FOXK1: variants seen among roughly 807,000 people sequenced by gnomAD.
FOXK1 encodes the protein forkhead box K1.
A neutral mutation model predicts 51.9 loss-of-function variants in FOXK1; 19 were observed. That is an observed-to-expected ratio of 0.37 (90% confidence interval 0.26 to 0.54). The LOEUF (loss-of-function observed/expected upper bound fraction) is 0.54, where lower values mean the gene tolerates loss of function less well. Ranked by LOEUF, FOXK1 falls within the 20% of genes least tolerant of loss-of-function variation. The probability of loss-of-function intolerance (pLI) is 0.87; values close to 1 mark genes in which losing one functional copy is unlikely to be tolerated. For missense variants in FOXK1, 870 were observed against 1,032.7 expected, an observed-to-expected ratio of 0.84 and a Z score of 2.16; for synonymous variants, 537 against 482.6, an observed-to-expected ratio of 1.11 and a Z score of -1.48.
Position 4,740,370 on chromosome 7 carries a change from C to T in FOXK1, c.561-468C>T, listed in dbSNP as rs1278154740. ...GTGTGAACCCAGGAGGCGGAGCTTG[C>T]AGTGAGCTGAGATCGTGTCCCTGCA... On this transcript the variant is annotated intron_variant, in intron 1 of 8. Transcript: ENST00000328914. Among the ~76,000 whole-genome samples, 3 of 151,270 alleles carry T rather than the reference C, an allele frequency of 2.0e-5. No homozygotes were observed. The Admixed American group carries it at 2.0e-4, about 10-fold the overall frequency.
At chr7:4,692,953 G>A (rs79919244) in intron 1 of FOXK1, among the ~76,000 whole-genome samples, 2,845 of 152,010 alleles carry the variant, frequency 0.019, 84 homozygotes, top group African/African-American at 0.063. Context: ...TTCCCTGACT[G>A]GTCTCAAACT....
At chr7:4,708,835 C>T (rs144898897) in intron 1 of FOXK1, among the ~76,000 whole-genome samples, 1,993 of 152,180 alleles carry the variant, frequency 0.013, 44 homozygotes, top group African/African-American at 0.046. Context: ...GAGGCTGAGG[C>T]GGGCGGATCA....
Position 4,759,151 on chromosome 7 carries a change from C to T in FOXK1, c.1345C>T (p.His449Tyr), listed in dbSNP as rs1368063261. 1.2e-6 allele frequency: 2 copies of T among 1,612,666 alleles called. No individual in the cohort carries two copies. The highest frequency in any genetic ancestry group is 1.6e-4 in the Middle Eastern group (1 of 6,084). ...CLSREGSPIP[H>Y]DPEFGSKLAS... is the part of the protein sequence containing the mutation. Reference sequence around the variant, plus strand: ...GTCTCGGGAGGGCTCCCCCATTCCACACGACCCTGAGTTTGGGTCCAAGTT... The same window carrying T: ...GTCTCGGGAGGGCTCCCCCATTCCATACGACCCTGAGTTTGGGTCCAAGTT... The change falls in exon 6 of 9, where the codon CAC becomes TAC. Residue 449 changes from histidine (H) to tyrosine (Y), a missense_variant. Coordinates refer to ENST00000328914, the MANE Select transcript of FOXK1 (RefSeq NM_001037165.2).
At chr7:4,685,748 C>T (rs2115026386) in intron 1 of FOXK1, among the ~76,000 whole-genome samples, 1 of 151,776 alleles carries the variant, frequency 6.6e-6, no homozygotes, top group Admixed American at 6.6e-5. Context: ...TTCAAGACCA[C>T]CCTGGCCAAT....
rs1780720419 is a variant in FOXK1, at chr7:4,747,503, G to A, written c.746+6480G>A. On this transcript the variant is annotated intron_variant, in intron 2 of 8. Transcript: ENST00000328914. The surrounding 1 kb of genome is among the most constrained non-coding windows in gnomAD (Gnocchi z 9.2). Reference sequence around the variant, plus strand: ...TTCTAAATTATTATTTTTAATGCTGGTTCCAATTTGGGTTTGGGGGGTTGA... The same window carrying A: ...TTCTAAATTATTATTTTTAATGCTGATTCCAATTTGGGTTTGGGGGGTTGA... Among the ~76,000 whole-genome samples, 3 of 152,136 alleles carry A rather than the reference G, an allele frequency of 2.0e-5. No homozygotes were observed. The South Asian group carries it at 6.2e-4, about 32-fold the overall frequency.
intron 1 of FOXK1, among the ~76,000 whole-genome samples, chr7:4,700,294 C>A (rs1780005128): frequency 6.6e-6 from 1 of 152,124 alleles, no homozygotes; most frequent in Admixed American, 6.6e-5. Flanking sequence ...TATTTGTGGG[C>A]AAAATGAATA....
rs1780327503 is a variant in FOXK1, at chr7:4,722,520, C to T, written c.561-18318C>T. Reference sequence around the variant, plus strand: ...ACCAGTGGCCTCAGCCCAGTGCCAGCGTGCTGGGACGGGTACACTCGTGCC... The same window carrying T: ...ACCAGTGGCCTCAGCCCAGTGCCAGTGTGCTGGGACGGGTACACTCGTGCC... On this transcript the variant is annotated intron_variant, in intron 1 of 8. Coordinates refer to ENST00000328914, the MANE Select transcript of FOXK1 (RefSeq NM_001037165.2). This position sits in a 1 kb window ranked among gnomAD's most constrained non-coding sequence, Gnocchi z 5.1. 6.6e-6 allele frequency among the ~76,000 whole-genome samples: 1 copy of T among 152,208 alleles called. No homozygotes were observed. Among genetic ancestry groups the T allele is most frequent in the Non-Finnish European group, 1.5e-5 (1 of 68,042 alleles).
At chr7:4,695,630 C>T (rs1425094590) in intron 1 of FOXK1, among the ~76,000 whole-genome samples, 1 of 151,942 alleles carries the variant, frequency 6.6e-6, no homozygotes, top group Non-Finnish European at 1.5e-5. Flanking sequence ...GGCGAAGCCC[C>T]GTCTCTACTA....
Position 4,748,861 on chromosome 7 carries a change from T to TA in FOXK1, c.747-5597dup, listed in dbSNP as rs1421822312. Among the ~76,000 whole-genome samples the TA allele has an allele frequency of 3.2e-4, 49 of 152,218 alleles. 1 individual carries two copies. Among genetic ancestry groups the TA allele is most frequent in the African/African-American group, 1.2e-3 (49 of 41,546 alleles). On this transcript the variant is annotated intron_variant, in intron 2 of 8. Transcript: ENST00000328914. The surrounding 1 kb of genome is among the most constrained non-coding windows in gnomAD (Gnocchi z 4.9). ...GCCCGGCTAATTTTTGTATTTTTTG[T>TA]AGAGGTGGGGTCTCCCCATGTTGCC...
Position 4,756,263 on chromosome 7 carries a change from C to A in FOXK1, c.1051-731C>A, listed in dbSNP as rs557404733. 2.9e-4 allele frequency among the ~76,000 whole-genome samples: 44 copies of A among 152,136 alleles called. 1 individual carries two copies. In the South Asian group the frequency reaches 8.1e-3, roughly 28 times the overall value. On this transcript the variant is annotated intron_variant, in intron 4 of 8. Coordinates refer to ENST00000328914, the MANE Select transcript of FOXK1 (RefSeq NM_001037165.2). The surrounding 1 kb of genome is among the most constrained non-coding windows in gnomAD (Gnocchi z 4.1). ...CCAAGTAGCTGGGGCTACAGGTGCC[C>A]ACCACCACACCTGGCTATTTTTTGT...
Position 4,711,378 on chromosome 7 carries a change from C to T in FOXK1, c.560+28510C>T, listed in dbSNP as rs935322709. Among the ~76,000 whole-genome samples, 17 of 152,036 alleles carry T rather than the reference C, an allele frequency of 1.1e-4. No homozygotes were observed. Among genetic ancestry groups the T allele is most frequent in the Admixed American group, 7.2e-4 (11 of 15,264 alleles). On this transcript the variant is annotated intron_variant, in intron 1 of 8. Transcript: ENST00000328914. The surrounding 1 kb of genome is among the most constrained non-coding windows in gnomAD (Gnocchi z 6.3). ...CTTCCTGTGAGAGGGTGTGGCAGTC[C>T]GGGGGTGGGTCCCAGCCAGCCGCCA...
At chr7:4,685,436 G>C (rs762415227) in intron 1 of FOXK1, among the ~76,000 whole-genome samples, 3 of 151,352 alleles carry the variant, frequency 2.0e-5, no homozygotes, top group African/African-American at 7.3e-5. Context: ...AGATGGTCTC[G>C]ATCTCCTGAC....
Position 4,758,941 on chromosome 7 carries a change from G to T in FOXK1, c.1245-110G>T. The T allele has an allele frequency of 8.4e-7, 1 of 1,197,404 alleles. No individual in the cohort carries two copies. The highest frequency in any genetic ancestry group is 2.5e-5 in the Admixed American group (1 of 40,176). The allele number at this position is 1,197,404 out of a possible 1,614,324, so 74.2% of individuals were successfully genotyped here. A position where few individuals can be genotyped will look rare whatever the true frequency, so the allele number is the denominator to read the frequency against. On this transcript the variant is annotated intron_variant, in intron 5 of 8. Transcript: ENST00000328914. This position sits in a 1 kb window ranked among gnomAD's most constrained non-coding sequence, Gnocchi z 4.4. ...GTCTGAATGCGGAGGACAGAGACGA[G>T]CTCCAGGGAGCGTGGGCGGGTGACG...
rs1161419125 is a variant in FOXK1 at position 4,759,225 on chromosome 7, G to A, written c.1411+8G>A. 1.2e-6 allele frequency: 2 copies of A among 1,611,812 alleles called. No individual in the cohort carries two copies. Among genetic ancestry groups the A allele is most frequent in the Non-Finnish European group, 1.7e-6 (2 of 1,179,814 alleles). ...ATTCCCAAAGCGCACCCGGTAAGGA[G>A]CGGGCGGCCCTCTTGCGGGGCGGGG... On this transcript the variant is annotated splice_region_variant and intron_variant, in intron 6 of 8. Coordinates refer to ENST00000328914, the MANE Select transcript of FOXK1 (RefSeq NM_001037165.2).
chr7:4,686,964 G>T (rs1779827056), intron 1 of FOXK1, among the ~76,000 whole-genome samples: 1 of 145,254 alleles, frequency 6.9e-6, no homozygotes, highest in Non-Finnish European at 1.5e-5. Flanking sequence ...ACAGAGTCTT[G>T]CTCTGTCACC....
In FOXK1 at chr7:4,707,592, T is replaced by C. The variant is rs1265944920; in HGVS notation, c.560+24724T>C. 6.6e-6 allele frequency among the ~76,000 whole-genome samples: 1 copy of C among 152,154 alleles called. No homozygotes were observed. Among genetic ancestry groups the C allele is most frequent in the Non-Finnish European group, 1.5e-5 (1 of 68,026 alleles). On this transcript the variant is annotated intron_variant, in intron 1 of 8. Transcript: ENST00000328914. The surrounding 1 kb of genome is among the most constrained non-coding windows in gnomAD (Gnocchi z 4.1). ...CTCTTACGCCTTCCTTTCCGGGTTT[T>C]CCTGGAGAAGGCTGCCTCACTGGGT...
intron 1 of FOXK1, among the ~76,000 whole-genome samples, chr7:4,719,969 G>A (rs1298014419): frequency 6.6e-6 from 1 of 152,062 alleles, no homozygotes. Flanking sequence ...CTCATTGGAC[G>A]CCTGCGCCCA....
In FOXK1 at chr7:4,703,254, A is replaced by G. The variant is rs1021452293; in HGVS notation, c.560+20386A>G. Among the ~76,000 whole-genome samples the G allele has an allele frequency of 6.6e-6, 1 of 151,426 alleles. No individual in the cohort carries two copies. The highest frequency in any genetic ancestry group is 1.5e-5 in the Non-Finnish European group (1 of 67,908). On this transcript the variant is annotated intron_variant, in intron 1 of 8. Coordinates refer to ENST00000328914, the MANE Select transcript of FOXK1 (RefSeq NM_001037165.2). The surrounding 1 kb of genome is among the most constrained non-coding windows in gnomAD (Gnocchi z 5.6). ...TGGCAATGAGGAGTCAGGGAGACAG[A>G]CCTCCAGCCATTGGGCCTCTCCGCT...
chr7:4,684,859 A>T (rs1779798954), intron 1 of FOXK1, among the ~76,000 whole-genome samples: 1 of 151,994 alleles, frequency 6.6e-6, no homozygotes, highest in African/African-American at 2.4e-5. Context: ...AAGGGGAAAA[A>T]ATTTCAACCT....
Sources: gnomAD v4.1 joint callset for allele counts (sites outside exome capture counted in the v4.1 genomes callset) on GRCh38, gnomAD v4.1.1 for gene constraint, Gnocchi (gnomAD v3.1) non-coding constraint, MANE v1.5 for transcripts, NCBI Gene and HGNC (gene_info 2026-07-23, HGNC 2026-07-21) for gene names.